The following RAPGEF4 variants were observed in gnomAD, a reference collection of about 807,000 sequenced individuals.
RAPGEF4 encodes the protein RAP guanine-nucleotide-exchange factor (GEF) 4.
In RAPGEF4, 66 loss-of-function variants were observed where a neutral mutation model predicts 147.9. The ratio of observed to expected loss-of-function variants is 0.45; its 90% confidence interval spans 0.37 to 0.55. The LOEUF is 0.55. Among genes scored for constraint, RAPGEF4 ranks in the 20% least tolerant of loss-of-function variants. The pLI, the probability that RAPGEF4 is intolerant of heterozygous loss-of-function variation, is 0.00. For missense variants in RAPGEF4, 1,071 were observed against 1,257.3 expected (o/e 0.85, Z 2.24); for synonymous variants, 419 against 442.7 (o/e 0.95, Z 0.67).
chr2:172,801,659 C>G (rs17755455), intron 3 of RAPGEF4, among the ~76,000 whole-genome samples: 51,112 of 151,770 alleles, frequency 0.34, 9,026 homozygotes, highest in Middle Eastern at 0.47. Flanking sequence ...GGTCATAAAG[C>G]TGCTGGGTAT....
chr2:172,860,872 G>T (rs1288932736), intron 4 of RAPGEF4, among the ~76,000 whole-genome samples: 23 of 152,008 alleles, frequency 1.5e-4, no homozygotes, highest in Admixed American at 1.5e-3. Context: ...AGTACAGATG[G>T]TAATTTTCAG....
intron 1 of RAPGEF4, among the ~76,000 whole-genome samples, chr2:172,737,058 G>T (rs560932585): frequency 6.6e-6 from 1 of 152,288 alleles, no homozygotes; most frequent in Non-Finnish European, 1.5e-5. Context: ...TAAGTGTGAC[G>T]TGCTTTGCAT....
chr2:172,938,254 T>C (rs1454382130), intron 6 of RAPGEF4, among the ~76,000 whole-genome samples: 2 of 147,924 alleles, frequency 1.4e-5, no homozygotes, highest in Non-Finnish European at 3.0e-5. Flanking sequence ...CAGACAACCA[T>C]CTGTATCTAT....
At chr2:172,961,891 C>A (rs1689336032) in intron 8 of RAPGEF4, among the ~76,000 whole-genome samples, 1 of 152,202 alleles carries the variant, frequency 6.6e-6, no homozygotes, top group African/African-American at 2.4e-5. Context: ...AGCTTGTTTT[C>A]TAATGTAGGA....
intron 1 of RAPGEF4, among the ~76,000 whole-genome samples, chr2:172,747,294 C>T (rs1353895725): frequency 1.3e-5 from 2 of 152,154 alleles, no homozygotes; most frequent in Non-Finnish European, 2.9e-5. Flanking sequence ...ATAATTGCCA[C>T]AATCAAGCTA....
At chr2:172,848,933 G>T (rs1253831771) in intron 4 of RAPGEF4, among the ~76,000 whole-genome samples, 1 of 152,110 alleles carries the variant, frequency 6.6e-6, no homozygotes, top group East Asian at 1.9e-4. Flanking sequence ...AGGTGATGTT[G>T]ACTAAAGGAG....
chr2:172,803,449 C>G (rs1349148715), intron 3 of RAPGEF4, among the ~76,000 whole-genome samples: 1 of 152,182 alleles, frequency 6.6e-6, no homozygotes, highest in Non-Finnish European at 1.5e-5. Context: ...GCTGGAGTGG[C>G]TAGGATGCAG....
intron 29 of RAPGEF4, chr2:173,048,348 G>C (rs1685758900): frequency 2.9e-6 from 2 of 679,562 alleles, no homozygotes; most frequent in Non-Finnish European, 4.2e-6. Context: ...TTACATCATG[G>C]GGAATATGCC....
intron 6 of RAPGEF4, among the ~76,000 whole-genome samples, chr2:172,939,322 G>C (rs1432712443): frequency 6.6e-6 from 1 of 152,038 alleles, no homozygotes; most frequent in Non-Finnish European, 1.5e-5. Context: ...TTGCCAGCTT[G>C]GTATTGTCAG....
chr2:173,038,469 T>C lies in RAPGEF4; in HGVS notation c.2853+1777T>C, dbSNP rs147694737. Among the ~76,000 whole-genome samples the C allele has an allele frequency of 4.9e-3, 747 of 152,274 alleles. 8 individuals are homozygous for C. Among genetic ancestry groups the C allele is most frequent in the African/African-American group, 0.017 (693 of 41,542 alleles). ...GCTTTAGAAGTTTTGATGGCTATCA[T>C]TCTCAGCAAACAGAGGAACAGAAAA... On this transcript the variant is annotated intron_variant, in intron 29 of 30. Coordinates refer to ENST00000397081, the MANE Select transcript of RAPGEF4 (RefSeq NM_007023.4).
intron 6 of RAPGEF4, among the ~76,000 whole-genome samples, chr2:172,927,654 C>A (rs534006388): frequency 6.6e-6 from 1 of 151,774 alleles, no homozygotes; most frequent in Non-Finnish European, 1.5e-5. Context: ...AAGAAAAAAA[C>A]CAACAATCAG....
At chr2:173,017,074 A>C in intron 19 of RAPGEF4, 100 bp from the exon 20 acceptor site, 3 of 1,175,172 alleles carry the variant, frequency 2.6e-6, no homozygotes, top group Non-Finnish European at 2.5e-6. Flanking sequence ...GGATTCTGTG[A>C]TTGTGATTTC....
chr2:172,770,958 A>G (rs778177296), intron 1 of RAPGEF4, among the ~76,000 whole-genome samples: 2 of 152,146 alleles, frequency 1.3e-5, no homozygotes, highest in African/African-American at 2.4e-5. Flanking sequence ...GATGGGAGGC[A>G]CTGTTCTAGG....
intron 5 of RAPGEF4, 138 bp from the exon 6 acceptor site, chr2:172,922,143 G>C (rs1371181006): frequency 1.3e-6 from 1 of 794,330 alleles, no homozygotes; most frequent in Non-Finnish European, 2.2e-6. Flanking sequence ...TTTCTAAGCA[G>C]CATTATGTAA....
At chr2:172,741,681 G>T (rs558386504) in intron 1 of RAPGEF4, among the ~76,000 whole-genome samples, 1 of 152,240 alleles carries the variant, frequency 6.6e-6, no homozygotes, top group African/African-American at 2.4e-5. Flanking sequence ...TTTTGTTTGT[G>T]TGTGTGTTTT....
chr2:173,034,551 T>A (rs969706027), intron 27 of RAPGEF4, among the ~76,000 whole-genome samples: 1 of 152,124 alleles, frequency 6.6e-6, no homozygotes, highest in Admixed American at 6.5e-5. Context: ...AAACTCCAAA[T>A]TTTTTATGCC....
chr2:173,046,557 T>C (rs1685495763), intron 29 of RAPGEF4, among the ~76,000 whole-genome samples: 1 of 152,220 alleles, frequency 6.6e-6, no homozygotes, highest in Admixed American at 6.5e-5. Flanking sequence ...TGGAATATAC[T>C]TGTGCCCTTC....
chr2:172,888,580 A>T (rs1697513503), intron 4 of RAPGEF4, among the ~76,000 whole-genome samples: 1 of 152,158 alleles, frequency 6.6e-6, no homozygotes, highest in African/African-American at 2.4e-5. Context: ...CAATAAGTTG[A>T]TTTTCTATCT....
intron 3 of RAPGEF4, among the ~76,000 whole-genome samples, chr2:172,811,289 A>G (rs1687997004): frequency 1.3e-5 from 2 of 152,266 alleles, no homozygotes; most frequent in Non-Finnish European, 2.9e-5. Context: ...GCAGGGCTCC[A>G]GCAGCATCTG....
Sources: allele counts gnomAD v4.1 joint callset (sites outside exome capture counted in the v4.1 genomes callset), GRCh38; gene constraint gnomAD v4.1.1; transcripts MANE v1.5; gene names NCBI Gene and HGNC (gene_info 2026-07-23, HGNC 2026-07-21).